The following MUC6 variants were observed in gnomAD, a reference collection of about 807,000 sequenced individuals.
MUC6 encodes the protein mucin 6, oligomeric mucus/gel-forming (gene/pseudogene).
MUC6 carries 188 observed loss-of-function variants against 201.5 expected under a neutral mutation model. The observed-to-expected ratio is 0.93, with a 90% CI of 0.83 to 1.05. The LOEUF (loss-of-function observed/expected upper bound fraction) is 1.05, where lower values mean the gene tolerates loss of function less well. MUC6 is among the 50% of genes least tolerant of loss of function. The probability of loss-of-function intolerance (pLI) is 0.00; values close to 1 mark genes in which losing one functional copy is unlikely to be tolerated. For synonymous variants in MUC6, 1,228 were observed against 1,389.4 expected (o/e 0.88, Z 2.58); for missense variants, 2,706 against 3,256.9 (o/e 0.83, Z 4.12).
chr11:1,029,513 A>G lies in MUC6; in HGVS notation c.1118T>C (p.Ile373Thr). The change falls in exon 9 of 33, where the codon ATA (isoleucine) becomes ACA (threonine). Residue 373 changes from isoleucine to threonine, a missense_variant. By Grantham distance (89) the Ile-to-Thr change is moderately conservative. Around this residue, in one of 10 missense-constraint regions of MUC6, gnomAD observed 1,850 missense variants for 1,958.3 expected, o/e 0.94. Transcript: ENST00000421673. ...GAMYAPGEVT[I>T]AACQTCRCTL... ...CACTCACCAGGTTTGGCAGGCAGCTATTGTGACCTCCCCGGGGGCATACAT... is the reference window on the plus strand; with the variant it reads ...CACTCACCAGGTTTGGCAGGCAGCTGTTGTGACCTCCCCGGGGGCATACAT... 6.2e-7 allele frequency: 1 copy of G among 1,612,358 alleles called. No individual in the cohort carries two copies. The highest frequency in any genetic ancestry group is 8.5e-7 in the Non-Finnish European group (1 of 1,179,732).
chr11:1,022,280 G>C (rs1316673426), intron 26 of MUC6, among the ~76,000 whole-genome samples: 1 of 125,268 alleles, frequency 8.0e-6, no homozygotes, highest in African/African-American at 3.1e-5. Flanking sequence ...CGCTCCTTCT[G>C]CCCTCTACAG....
Position 1,013,964 on chromosome 11 carries a change from C to A in MUC6, c.7077G>T (p.Thr2359=), listed in dbSNP as rs1223039428. 1 of 1,609,276 alleles carries A rather than the reference C, an allele frequency of 6.2e-7. No individual in the cohort carries two copies. The highest frequency in any genetic ancestry group is 8.5e-7 in the Non-Finnish European group (1 of 1,178,472). ...CSVREQQEEI[T]FKGCMANVTV... ...TCACGTTCGCCATGCACCCCTTGAA[C>A]GTGATCTCCTCCTGCTGCTCCCGCA... Residue 2359 remains threonine, a synonymous_variant, in exon 32 of 33, where the codon ACG becomes ACT. Transcript: ENST00000421673.
Position 1,020,237 on chromosome 11 carries a change from A to G in MUC6, c.3661T>C (p.Trp1221Arg). 6.2e-7 allele frequency: 1 copy of G among 1,608,872 alleles called. No homozygotes were observed. The highest frequency in any genetic ancestry group is 8.5e-7 in the Non-Finnish European group (1 of 1,178,222). Reference protein sequence around the residue: ...PTTGSRPTQVWPMTGTSTTIG... With the variant: ...PTTGSRPTQVRPMTGTSTTIG... ...GTGGTGGAGGTTCCCGTCATGGGCC[A>G]GACTTGCGTGGGCCGTGAGCCTGGG... is the stretch of plus-strand genomic sequence containing the variant. The change falls in exon 29 of 33, where the codon TGG (tryptophan) becomes CGG (arginine). Residue 1221 changes from tryptophan (W) to arginine (R), a missense_variant. Physicochemically the swap from Trp to Arg is moderately radical, Grantham distance 101. Coordinates refer to ENST00000421673, the MANE Select transcript of MUC6 (RefSeq NM_005961.3).
In MUC6 at chr11:1,028,397, C is replaced by A; in HGVS notation, c.1592-10G>T. 3 of 1,610,538 alleles carry A rather than the reference C, an allele frequency of 1.9e-6. No homozygotes were observed. Among genetic ancestry groups the A allele is most frequent in the Non-Finnish European group, 8.5e-7 (1 of 1,179,360 alleles). ...AAGTTGCCGCAGAGCCCTGAGCCGGCGGGGCGTGAGCTCGACTTGAACCCA... is the reference window on the plus strand; with the variant it reads ...AAGTTGCCGCAGAGCCCTGAGCCGGAGGGGCGTGAGCTCGACTTGAACCCA... On this transcript the variant is annotated splice_polypyrimidine_tract_variant and intron_variant, in intron 13 of 32. Coordinates refer to ENST00000421673, the MANE Select transcript of MUC6 (RefSeq NM_005961.3).
rs375623692 is a variant in MUC6 at position 1,031,684 on chromosome 11, C to T, written c.406G>A (p.Gly136Ser). ...TSNGLQITPFGQSVRLVAKQL... is the reference protein window; with the variant it reads ...TSNGLQITPFSQSVRLVAKQL... Reference sequence around the variant, plus strand: ...TTGGCCACCAGCCGCACGCTCTGGCCGAAGGGTGTGATCTGGAGTCCATTG... The same window carrying T: ...TTGGCCACCAGCCGCACGCTCTGGCTGAAGGGTGTGATCTGGAGTCCATTG... Residue 136 changes from glycine (G) to serine (S), a missense_variant, in exon 4 of 33, where the codon GGC becomes AGC. This residue lies in a region of MUC6 where 1,850 missense variants were observed against 1,958.3 expected (regional missense o/e 0.94). Coordinates refer to ENST00000421673, the MANE Select transcript of MUC6 (RefSeq NM_005961.3). The T allele has an allele frequency of 1.0e-4, 158 of 1,550,950 alleles. No individual in the cohort carries two copies. The highest frequency in any genetic ancestry group is 1.7e-4 in the Middle Eastern group (1 of 5,976).
At chr11:1,030,366 T>TGGCCCCCCCCCC in intron 7 of MUC6, 31 bp from the exon 8 acceptor site, 1 of 1,489,582 alleles carries the variant, frequency 6.7e-7, no homozygotes, top group African/African-American at 1.4e-5. Context: ...GGTGAGAGGG[T>TGGCCCCCCCCCC]CCCACCCCCC....
At position 1,032,278 on chromosome 11, in the gene MUC6, ATG is replaced by A. The variant is rs563450637; in HGVS notation, c.116-227_116-226del. Among the ~76,000 whole-genome samples, 570 of 152,038 alleles carry A rather than the reference ATG, an allele frequency of 3.7e-3. 2 individuals carry two copies. Among genetic ancestry groups the A allele is most frequent in the Middle Eastern group, 0.024 (7 of 294 alleles). On this transcript the variant is annotated intron_variant, in intron 2 of 32. Transcript: ENST00000421673. ...CACACACGTGTGTGTGGGTACACGT[ATG>A]TGTGTTGTGTGTGTGCACGTGTGTG...
Position 1,015,754 on chromosome 11 carries a change from C to G in MUC6, c.7039+8G>C. On this transcript the variant is annotated splice_region_variant and intron_variant, in intron 31 of 32. Transcript: ENST00000421673. Reference sequence around the variant, plus strand: ...GGCCAGGAGAAGGGCCACAGAGATGCCACTTACCGGGTGAGGTGGGCGTAG... The same window carrying G: ...GGCCAGGAGAAGGGCCACAGAGATGGCACTTACCGGGTGAGGTGGGCGTAG... The G allele has an allele frequency of 1.3e-6, 2 of 1,526,832 alleles. No homozygotes were observed. The highest frequency in any genetic ancestry group is 1.8e-6 in the Non-Finnish European group (2 of 1,136,338). 94.6% of individuals were successfully genotyped at this position (1,526,832 alleles called of 1,614,324 possible).
rs1309587120 is a variant in MUC6 at position 1,028,732 on chromosome 11, C to G, written c.1505G>C (p.Ser502Thr). The change falls in exon 13 of 33, where the codon AGC (serine) becomes ACC (threonine). Residue 502 changes from serine (S) to threonine (T), a missense_variant. Ser to Thr is a moderately conservative substitution (Grantham distance 58, BLOSUM62 1). This residue lies in a region of MUC6 where 1,850 missense variants were observed against 1,958.3 expected (regional missense o/e 0.94). Coordinates refer to ENST00000421673, the MANE Select transcript of MUC6 (RefSeq NM_005961.3). ...CTGGACCACGAGCTCCAGCCCGAAG[C>G]TGGTGGCCATCTGGAGGTGGGTGGA... is the stretch of plus-strand genomic sequence containing the variant. ...QTSTHLQMAT[S>T]FGLELVVQLR... 2.5e-6 allele frequency: 4 copies of G among 1,612,450 alleles called. No individual in the cohort carries two copies. The highest frequency in any genetic ancestry group is 3.3e-5 in the Admixed American group (2 of 59,936).
At chr11:1,028,574 TCTC>T (rs1857022589) in intron 13 of MUC6, 69 bp downstream of exon 13, 7 of 1,567,482 alleles carry the variant, frequency 4.5e-6, no homozygotes, top group Non-Finnish European at 6.1e-6. Flanking sequence ...CTTGGACCTT[TCTC>T]CTCCCCTGGT....
chr11:1,024,838 G>A lies in MUC6; in HGVS notation c.3225+6C>T. 1 of 1,606,986 alleles carries A rather than the reference G, an allele frequency of 6.2e-7. No homozygotes were observed. The highest frequency in any genetic ancestry group is 8.5e-7 in the Non-Finnish European group (1 of 1,175,500). ...CAGGCGCACAGCCCTCGTGCCCGGT[G>A]CCCACCTTGCTGTGGCAGGTGGCAA... On this transcript the variant is annotated splice_donor_region_variant and intron_variant, in intron 24 of 32. Transcript: ENST00000421673.
In MUC6 at chr11:1,013,410, TG is replaced by T. The variant is rs1856522949; in HGVS notation, c.*45del. On this transcript the variant is annotated 3_prime_UTR_variant, in exon 33 of 33. Coordinates refer to ENST00000421673, the MANE Select transcript of MUC6 (RefSeq NM_005961.3). Reference sequence around the variant, plus strand: ...GGGGGCTGGTGGGTGTTTTCCTGTCTGTCATCTGCAGTCCTTCAGCCCCAGG... The same window carrying T: ...GGGGGCTGGTGGGTGTTTTCCTGTCTTCATCTGCAGTCCTTCAGCCCCAGG... The T allele has an allele frequency of 6.6e-7, 1 of 1,508,900 alleles. No individual in the cohort carries two copies. Among genetic ancestry groups the T allele is most frequent in the Non-Finnish European group, 8.9e-7 (1 of 1,123,010 alleles). 93.5% of individuals were successfully genotyped at this position (1,508,900 alleles called of 1,614,324 possible).
Position 1,025,246 on chromosome 11 carries a change from T to C in MUC6, c.2921A>G (p.Tyr974Cys). The change falls in exon 23 of 33, where the codon TAC becomes TGC. Residue 974 changes from tyrosine to cysteine, a missense_variant. Around this residue, in one of 10 missense-constraint regions of MUC6, gnomAD observed 1,850 missense variants for 1,958.3 expected, o/e 0.94. Coordinates refer to ENST00000421673, the MANE Select transcript of MUC6 (RefSeq NM_005961.3). ...LVVDISIPGR[Y>C]NLTLIWNRHM... ...CCTGTTCCAGATGAGCGTCAGGTTG[T>C]ACCTCCCGGGGATGCTGATGTCCAC... The C allele has an allele frequency of 6.2e-7, 1 of 1,612,802 alleles. No individual in the cohort carries two copies. Among genetic ancestry groups the C allele is most frequent in the Non-Finnish European group, 8.5e-7 (1 of 1,179,832 alleles).
chr11:1,015,943 C>T lies in MUC6; in HGVS notation c.6858G>A (p.Val2286=), dbSNP rs1469850935. ...TACCCGTCACCCCCGAGGTGAGTGACACAAAGCCTGATGTGGGAACTCGGG... is the reference window on the plus strand; with the variant it reads ...TACCCGTCACCCCCGAGGTGAGTGATACAAAGCCTGATGTGGGAACTCGGG... ...LTTRVPTSGF[V]SLTSGVTGIP... is the part of the protein sequence containing the mutation. The change falls in exon 31 of 33, where the codon GTG becomes GTA. Residue 2286 remains valine, a synonymous_variant. Transcript: ENST00000421673. 1.7e-5 allele frequency: 27 copies of T among 1,594,612 alleles called. No homozygotes were observed. The highest frequency in any genetic ancestry group is 2.2e-5 in the Non-Finnish European group (26 of 1,168,246).
At chr11:1,028,411 G>A (rs368478992) in intron 13 of MUC6, 24 bp from the exon 14 acceptor site, 413 of 1,607,632 alleles carry the variant, frequency 2.6e-4, no homozygotes, top group Non-Finnish European at 3.3e-4. Flanking sequence ...GCGTGAGCTC[G>A]ACTTGAACCC....
rs904778542 is a variant in MUC6 at position 1,013,937 on chromosome 11, C to A, written c.7104G>T (p.Thr2368=). ...TGCAGGCGCCCTCACAGCGGGTTAC[C>A]GTCACGTTCGCCATGCACCCCTTGA... ...ITFKGCMANV[T]VTRCEGACIS... is the part of the protein sequence containing the mutation. The change falls in exon 32 of 33, where the codon ACG becomes ACT. Residue 2368 remains threonine, a synonymous_variant. Transcript: ENST00000421673. 3 of 1,608,314 alleles carry A rather than the reference C, an allele frequency of 1.9e-6. No homozygotes were observed. Among genetic ancestry groups the A allele is most frequent in the East Asian group, 2.2e-5 (1 of 44,684 alleles).
rs755430514 is a variant in MUC6, at chr11:1,029,005, C to T, written c.1380+41G>A. Reference sequence around the variant, plus strand: ...GAGTCAGGGTGCAGGCACCAGGGAGCGGAGCCCTGCTGGCAGGGATGGGCG... The same window carrying T: ...GAGTCAGGGTGCAGGCACCAGGGAGTGGAGCCCTGCTGGCAGGGATGGGCG... On this transcript the variant is annotated intron_variant, in intron 11 of 32. Transcript: ENST00000421673. 8.1e-6 allele frequency: 13 copies of T among 1,612,596 alleles called. No homozygotes were observed. In the Middle Eastern group the frequency reaches 6.6e-4, roughly 82 times the overall value.
intron 6 of MUC6, 25 bp downstream of exon 6, chr11:1,030,922 C>T: frequency 1.3e-6 from 2 of 1,550,390 alleles, no homozygotes; most frequent in East Asian, 2.4e-5. Flanking sequence ...CTGGGGTCAG[C>T]CCCACCTGGA....
intron 31 of MUC6, among the ~76,000 whole-genome samples, chr11:1,014,355 C>T (rs1320303677): frequency 6.6e-6 from 1 of 152,344 alleles, no homozygotes; most frequent in East Asian, 1.9e-4. Context: ...GGGCATGGGC[C>T]TCTCTGGTTG....
Sources: gnomAD v4.1 joint callset for allele counts (sites outside exome capture counted in the v4.1 genomes callset) on GRCh38, gnomAD v4.1.1 for gene constraint, gnomAD v4.1.1 regional missense constraint, MANE v1.5 for transcripts, NCBI Gene and HGNC (gene_info 2026-07-23, HGNC 2026-07-21) for gene names.